DPYD: variants seen among roughly 807,000 people sequenced by gnomAD.
DPYD encodes dihydropyrimidine dehydrogenase, also known as dihydropyrimidine dehydrogenase [NADP(+)].
DPYD carries 109 observed loss-of-function variants against 116.2 expected under a neutral mutation model. The ratio of observed to expected loss-of-function variants is 0.94; its 90% CI spans 0.80 to 1.10. DPYD has a LOEUF of 1.10. DPYD is among the 50% of genes least tolerant of loss of function. DPYD has a pLI of 0.00. For synonymous variants in DPYD, 440 were observed against 432.0 expected, an observed-to-expected ratio of 1.02 and a Z score of -0.23; for missense variants, 1,302 against 1,254.5, an observed-to-expected ratio of 1.04 and a Z score of -0.57.
intron 8 of DPYD, among the ~76,000 whole-genome samples, chr1:97,678,199 C>A (rs1237978833): frequency 6.6e-6 from 1 of 152,012 alleles, no homozygotes; most frequent in African/African-American, 2.4e-5. Flanking sequence ...CTTCGCATGC[C>A]CAGTTCACAA....
chr1:97,614,489 A>G (rs1432387376), intron 8 of DPYD, among the ~76,000 whole-genome samples: 2 of 152,076 alleles, frequency 1.3e-5, no homozygotes, highest in Non-Finnish European at 2.9e-5. Context: ...GACTAGAGAT[A>G]AAAGGCATGT....
chr1:97,509,021 C>A (rs992785216), intron 13 of DPYD, among the ~76,000 whole-genome samples: 1 of 151,898 alleles, frequency 6.6e-6, no homozygotes, highest in South Asian at 2.1e-4. Flanking sequence ...AGGACCCAGG[C>A]ATGTGAATGA....
chr1:97,432,599 ACT>A (rs1675246086), intron 14 of DPYD, among the ~76,000 whole-genome samples: 1 of 151,482 alleles, frequency 6.6e-6, no homozygotes, highest in Non-Finnish European at 1.5e-5. Context: ...TCTATGGACC[ACT>A]CTCAAGAATA....
chr1:97,125,283 A>G (rs1652749668), intron 20 of DPYD, among the ~76,000 whole-genome samples: 1 of 152,086 alleles, frequency 6.6e-6, no homozygotes, highest in Non-Finnish European at 1.5e-5. Context: ...ATGTGGATGA[A>G]TCTTGTTTTC....
At position 97,160,650 on chromosome 1, in the gene DPYD, G is replaced by T. The variant is rs17116509; in HGVS notation, c.2622+32419C>A. On this transcript the variant is annotated intron_variant, in intron 20 of 22. Coordinates refer to ENST00000370192, the MANE Select transcript of DPYD (RefSeq NM_000110.4). ...ATTGGTACTTAAAATTTCTCTTATT[G>T]TCACATAGATTGAATTTCAAAGAGA... 7.3e-3 allele frequency among the ~76,000 whole-genome samples: 1,115 copies of T among 152,126 alleles called. 16 individuals carry two copies. The highest frequency in any genetic ancestry group is 0.025 in the African/African-American group (1,044 of 41,512).
intron 19 of DPYD, among the ~76,000 whole-genome samples, chr1:97,229,741 A>G (rs926800490): frequency 4.0e-5 from 6 of 151,816 alleles, no homozygotes; most frequent in Non-Finnish European, 5.9e-5. Flanking sequence ...AAATTCTCCT[A>G]GGTATTTTTT....
chr1:97,515,584 TA>T, intron 13 of DPYD, 141 bp downstream of exon 13: 1 of 745,234 alleles, frequency 1.3e-6, no homozygotes, highest in African/African-American at 1.8e-5. Context: ...GGAAAGAAAC[TA>T]AAGATTAATG....
intron 20 of DPYD, among the ~76,000 whole-genome samples, chr1:97,159,104 C>T (rs1655700858): frequency 6.6e-6 from 1 of 151,882 alleles, no homozygotes; most frequent in African/African-American, 2.4e-5. Flanking sequence ...GGGATCAGTC[C>T]TGAGATGATC....
intron 3 of DPYD, among the ~76,000 whole-genome samples, chr1:97,743,902 A>G (rs1259858920): frequency 6.6e-6 from 1 of 152,070 alleles, no homozygotes; most frequent in African/African-American, 2.4e-5. Context: ...ATTAATTCAG[A>G]GAAACAATTA....
intron 19 of DPYD, among the ~76,000 whole-genome samples, chr1:97,196,282 A>G (rs142482650): frequency 5.3e-4 from 80 of 151,566 alleles, no homozygotes; most frequent in African/African-American, 1.9e-3. Context: ...TTTGGTATTT[A>G]TTTATTTATT....
intron 3 of DPYD, among the ~76,000 whole-genome samples, chr1:97,824,739 T>C (rs1669146160): frequency 6.6e-6 from 1 of 152,214 alleles, no homozygotes; most frequent in Non-Finnish European, 1.5e-5. Context: ...GAGAAGGTTA[T>C]TCAGAATTTT....
chr1:97,389,550 T>G (rs771224071), intron 14 of DPYD, among the ~76,000 whole-genome samples: 1 of 152,048 alleles, frequency 6.6e-6, no homozygotes. Context: ...GAGACCCATC[T>G]TATCAAGATG....
chr1:97,895,717 C>G (rs1673027938), intron 1 of DPYD, among the ~76,000 whole-genome samples: 1 of 151,632 alleles, frequency 6.6e-6, no homozygotes, highest in Non-Finnish European at 1.5e-5. Flanking sequence ...TATTTAAAAT[C>G]ATGAAATTTA....
intron 16 of DPYD, among the ~76,000 whole-genome samples, chr1:97,334,422 C>A (rs1212711947): frequency 2.0e-5 from 3 of 152,116 alleles, no homozygotes; most frequent in Non-Finnish European, 4.4e-5. Flanking sequence ...CTTGCTAATT[C>A]CTGCTGCATG....
chr1:97,751,771 G>A (rs1484339051), intron 3 of DPYD, among the ~76,000 whole-genome samples: 2 of 10,992 alleles, frequency 1.8e-4, no homozygotes, highest in Non-Finnish European at 1.6e-4. Flanking sequence ...CTCTAAAAAC[G>A]ATTTTTTTTT....
At chr1:97,128,216 C>T (rs528444684) in intron 20 of DPYD, among the ~76,000 whole-genome samples, 115 of 152,216 alleles carry the variant, frequency 7.6e-4, no homozygotes, top group African/African-American at 2.7e-3. Context: ...TTTTCTCACC[C>T]CAAAATATGT....
chr1:97,806,558 G>C (rs13376369), intron 3 of DPYD, among the ~76,000 whole-genome samples: 1 of 151,768 alleles, frequency 6.6e-6, no homozygotes, highest in Non-Finnish European at 1.5e-5. Flanking sequence ...AAGGAATGCA[G>C]AGTTCCCATA....
At chr1:97,740,978 G>A (rs1664232231) in intron 3 of DPYD, among the ~76,000 whole-genome samples, 1 of 151,846 alleles carries the variant, frequency 6.6e-6, no homozygotes, top group Admixed American at 6.6e-5. Context: ...ATTGTCTGAA[G>A]TCTTTCAGCC....
At chr1:97,861,552 G>GTGC (rs1671118376) in intron 2 of DPYD, among the ~76,000 whole-genome samples, 2 of 151,786 alleles carry the variant, frequency 1.3e-5, no homozygotes, top group Non-Finnish European at 2.9e-5. Context: ...GTTATATAAA[G>GTGC]TGCTCTTCAA....
Sources: allele counts gnomAD v4.1 joint callset (sites outside exome capture counted in the v4.1 genomes callset), GRCh38; gene constraint gnomAD v4.1.1; transcripts MANE v1.5; gene names NCBI Gene and HGNC (gene_info 2026-07-23, HGNC 2026-07-21).